The following CCDC3 variants were observed in gnomAD, a reference collection of about 807,000 sequenced individuals.
The protein encoded by CCDC3 is coiled-coil domain-containing protein 3.
A neutral mutation model predicts 21.4 loss-of-function variants in CCDC3; 24 were observed. That is an observed-to-expected ratio of 1.12 (90% confidence interval 0.81 to 1.58). The LOEUF (loss-of-function observed/expected upper bound fraction) is 1.58, where lower values mean the gene tolerates loss of function less well. Among genes scored for constraint, CCDC3 ranks in the 40% most tolerant of loss-of-function variants. The pLI, the probability that CCDC3 is intolerant of heterozygous loss-of-function variation, is 0.00. For missense variants in CCDC3, 425 were observed against 360.9 expected (o/e 1.18, Z -1.44); for synonymous variants, 186 against 166.0 (o/e 1.12, Z -0.93).
At chr10:12,990,265 A>G (rs75135620) in intron 2 of CCDC3, among the ~76,000 whole-genome samples, 1 of 144,700 alleles carries the variant, frequency 6.9e-6, no homozygotes, top group African/African-American at 2.6e-5. Context: ...GTCTCAACCA[A>G]AAAAAAAAAA....
At chr10:12,919,692 T>G (rs910517711) in intron 2 of CCDC3, among the ~76,000 whole-genome samples, 5 of 149,958 alleles carry the variant, frequency 3.3e-5, no homozygotes, top group Non-Finnish European at 7.4e-5. Context: ...TTGATGCCTT[T>G]GCATCTTGCA....
chr10:12,975,939 C>A (rs1018527831), intron 2 of CCDC3, among the ~76,000 whole-genome samples: 1 of 152,194 alleles, frequency 6.6e-6, no homozygotes, highest in African/African-American at 2.4e-5. Context: ...AAGACACACT[C>A]TTCTACACTG....
chr10:12,998,737 CTA>C (rs1835801897), intron 1 of CCDC3, among the ~76,000 whole-genome samples: 1 of 152,168 alleles, frequency 6.6e-6, no homozygotes, highest in Non-Finnish European at 1.5e-5. Context: ...ATGGAGAAAA[CTA>C]TGTGTATGGT....
intron 2 of CCDC3, among the ~76,000 whole-genome samples, chr10:12,945,484 G>C (rs1834902172): frequency 6.6e-6 from 1 of 151,910 alleles, no homozygotes; most frequent in African/African-American, 2.4e-5. Context: ...TCATGGGAAA[G>C]GAATTATATG....
rs370285239 is a variant in CCDC3 at position 13,086,683 on chromosome 10, T to A, written c.-503+11842A>T. 9.2e-5 allele frequency among the ~76,000 whole-genome samples: 14 copies of A among 152,222 alleles called. No individual in the cohort carries two copies. The East Asian group carries it at 1.2e-3, about 13-fold the overall frequency. ...GGATGGTCTCGATCTCCTGACCTCGTGACCCGCCTGCCTCAGCCTCCCAAA... is the reference window on the plus strand; with the variant it reads ...GGATGGTCTCGATCTCCTGACCTCGAGACCCGCCTGCCTCAGCCTCCCAAA... On this transcript the variant is annotated intron_variant, in intron 3 of 6. Coordinates refer to the CCDC3 transcript ENST00000378839.
At chr10:12,993,257 C>T (rs947651072) in intron 2 of CCDC3, among the ~76,000 whole-genome samples, 39 of 152,204 alleles carry the variant, frequency 2.6e-4, no homozygotes, top group Non-Finnish European at 4.4e-5. Context: ...AGACAATACC[C>T]TGAGACAGTT....
intron 2 of CCDC3, among the ~76,000 whole-genome samples, chr10:12,932,510 G>A (rs140189611): frequency 1.3e-5 from 2 of 152,316 alleles, no homozygotes; most frequent in African/African-American, 2.4e-5. Flanking sequence ...ACTTTTGTCT[G>A]TTACCTGTGT....
chr10:13,030,914 C>T (rs1282428455), intron 5 of CCDC3, among the ~76,000 whole-genome samples: 3 of 152,182 alleles, frequency 2.0e-5, no homozygotes, highest in Admixed American at 2.0e-4. Context: ...TAACACCCCA[C>T]TGTCAACATT....
chr10:13,048,481 TGC>T (rs1564332327), intron 5 of CCDC3, among the ~76,000 whole-genome samples: 56 of 152,252 alleles, frequency 3.7e-4, no homozygotes, highest in African/African-American at 1.3e-3. Flanking sequence ...TGTGAGCCAC[TGC>T]ACCTGGCCAG....
At chr10:13,066,633 T>A (rs954104415) in intron 4 of CCDC3, among the ~76,000 whole-genome samples, 1 of 152,148 alleles carries the variant, frequency 6.6e-6, no homozygotes, top group Non-Finnish European at 1.5e-5. Flanking sequence ...GATAAAACAG[T>A]GTCCCCAGAG....
At chr10:13,058,340 A>G in intron 4 of CCDC3, 1 of 1,236,828 alleles carries the variant, frequency 8.1e-7, no homozygotes, top group Non-Finnish European at 1.2e-6. Flanking sequence ...GTCCATGCCA[A>G]ACCTACTGAG....
intron 2 of CCDC3, among the ~76,000 whole-genome samples, chr10:12,970,922 A>G (rs1023193479): frequency 2.6e-5 from 4 of 152,142 alleles, no homozygotes; most frequent in Non-Finnish European, 5.9e-5. Context: ...CTGCAAACCA[A>G]TAACTAAGCA....
intron 2 of CCDC3, among the ~76,000 whole-genome samples, chr10:12,915,200 C>A (rs72775687): frequency 0.08 from 12,168 of 152,082 alleles, 614 homozygotes; most frequent in African/African-American, 0.12. Context: ...TGGTTTCAAA[C>A]GATTGTGGTT....
At chr10:13,051,146 C>G (rs1588406729) in intron 4 of CCDC3, among the ~76,000 whole-genome samples, 1 of 152,266 alleles carries the variant, frequency 6.6e-6, no homozygotes, top group Non-Finnish European at 1.5e-5. Context: ...AGTTATTATT[C>G]AGATTCTGCC....
intron 5 of CCDC3, among the ~76,000 whole-genome samples, chr10:13,017,345 C>T (rs922251551): frequency 2.0e-5 from 3 of 151,706 alleles, no homozygotes; most frequent in African/African-American, 7.3e-5. Context: ...GGTAAAACTT[C>T]ACCTCTACTA....
chr10:12,992,916 C>G (rs1011994063), intron 2 of CCDC3, among the ~76,000 whole-genome samples: 4 of 152,258 alleles, frequency 2.6e-5, no homozygotes, highest in African/African-American at 9.6e-5. Context: ...AGTAGAGACC[C>G]CACGTGAGTG....
intron 2 of CCDC3, among the ~76,000 whole-genome samples, chr10:12,939,285 C>T (rs1834783820): frequency 6.6e-6 from 1 of 152,196 alleles, no homozygotes; most frequent in Admixed American, 6.5e-5. Context: ...GTCCATCAGA[C>T]CTGAAGCTTT....
chr10:12,953,783 G>C (rs1418999236), intron 2 of CCDC3, among the ~76,000 whole-genome samples: 1 of 152,204 alleles, frequency 6.6e-6, no homozygotes, highest in Admixed American at 6.5e-5. Flanking sequence ...CTTTTGTGTA[G>C]GGAGAAGAAG....
intron 2 of CCDC3, among the ~76,000 whole-genome samples, chr10:12,946,782 CTTTTCCCTCCTTTAATCAACATGCA>C (rs963802808): frequency 2.6e-5 from 4 of 152,154 alleles, no homozygotes; most frequent in African/African-American, 9.7e-5. Flanking sequence ...TGTCTTCTGC[CTTTTCCCTCCTTTAATCAACATGCA>C]TTTTCCCTCC....
Sources: gnomAD v4.1 joint callset for allele counts (sites outside exome capture counted in the v4.1 genomes callset) on GRCh38, gnomAD v4.1.1 for gene constraint, MANE v1.5 for transcripts, NCBI Gene and HGNC (gene_info 2026-07-23, HGNC 2026-07-21) for gene names.